The following PPIP5K2 variants were observed in gnomAD, a reference collection of about 807,000 sequenced individuals.
The protein encoded by PPIP5K2 is inositol hexakisphosphate and diphosphoinositol-pentakisphosphate kinase 2.
A neutral mutation model predicts 154.6 loss-of-function variants in PPIP5K2; 105 were observed. The ratio of observed to expected loss-of-function variants is 0.68; its 90% confidence interval spans 0.58 to 0.80. The LOEUF (loss-of-function observed/expected upper bound fraction) is 0.80, where lower values mean the gene tolerates loss of function less well. Among genes scored for constraint, PPIP5K2 ranks in the 30% least tolerant of loss-of-function variants. The pLI is 0.00. For missense variants in PPIP5K2, 992 were observed against 1,504.6 expected, an observed-to-expected ratio of 0.66 and a Z score of 5.64; for synonymous variants, 480 against 490.3, an observed-to-expected ratio of 0.98 and a Z score of 0.28.
rs1203071504 is a variant in PPIP5K2 at position 103,205,003 on chromosome 5, C to T, written c.*3369C>T. The T allele has an allele frequency of 6.6e-6, 1 of 152,074 alleles. No individual in the cohort carries two copies. The highest frequency in any genetic ancestry group is 1.5e-5 in the Non-Finnish European group (1 of 68,042). The allele number at this position is 152,074 out of a possible 1,614,324, so 9.4% of individuals were successfully genotyped here. ...TATTTCTCCTAATGCTATCCCTCCC[C>T]CAGCCCCCCACCCACTGACAGGCCC... is the stretch of plus-strand genomic sequence containing the variant. On this transcript the variant is annotated 3_prime_UTR_variant, in exon 31 of 31. Transcript: ENST00000358359.
rs1298114889 is a variant in PPIP5K2, at chr5:103,205,808, C to G, written c.*4174C>G. On this transcript the variant is annotated 3_prime_UTR_variant, in exon 31 of 31. Coordinates refer to ENST00000358359, the MANE Select transcript of PPIP5K2 (RefSeq NM_001276277.3). ...AAATGTCCTTTTTGTCCATTGGATA[C>G]TTTTTGTTCTATAAATTGTCAGATA... 1.3e-5 allele frequency: 2 copies of G among 151,986 alleles called. No individual in the cohort carries two copies. Among genetic ancestry groups the G allele is most frequent in the African/African-American group, 4.8e-5 (2 of 41,380 alleles). The allele number at this position is 151,986 out of a possible 1,614,324, so 9.4% of individuals were successfully genotyped here. A position where few individuals can be genotyped will look rare whatever the true frequency, so the allele number is the denominator to read the frequency against.
intron 29 of PPIP5K2, among the ~76,000 whole-genome samples, chr5:103,191,546 C>T (rs752566458): frequency 1.3e-4 from 20 of 152,208 alleles, no homozygotes; most frequent in Admixed American, 4.6e-4. Context: ...TATCCCACCT[C>T]CCTTTGGAGA....
intron 25 of PPIP5K2, 58 bp downstream of exon 25, chr5:103,183,465 G>A: frequency 6.9e-7 from 1 of 1,459,596 alleles, no homozygotes; most frequent in East Asian, 2.4e-5. Context: ...GCAACAAACA[G>A]CTGTCTTTGA....
chr5:103,149,409 A>G, intron 8 of PPIP5K2, 96 bp downstream of exon 8: 1 of 1,206,726 alleles, frequency 8.3e-7, no homozygotes, highest in East Asian at 2.4e-5. Flanking sequence ...TGGAGAAGTA[A>G]ACCGAGAAAG....
chr5:103,157,380 T>C (rs1299134290), intron 14 of PPIP5K2, among the ~76,000 whole-genome samples: 1 of 152,220 alleles, frequency 6.6e-6, no homozygotes, highest in East Asian at 1.9e-4. Context: ...TTTGTTTGCG[T>C]AAAATTTATT....
At chr5:103,128,450 A>G (rs1554201464) in intron 1 of PPIP5K2, among the ~76,000 whole-genome samples, 1 of 151,750 alleles carries the variant, frequency 6.6e-6, no homozygotes, top group East Asian at 1.9e-4. Flanking sequence ...TCTGTTATTC[A>G]AGCTGGAGTG....
At position 103,207,546 on chromosome 5, in the gene PPIP5K2, A is replaced by G. The variant is rs562573897; in HGVS notation, c.*5912A>G. On this transcript the variant is annotated 3_prime_UTR_variant, in exon 31 of 31. Transcript: ENST00000358359. ...TGTGCTAATGGTTTTTTCCTTCACT[A>G]TGATTTTGAATTATATTTAATTTTA... 2 of 152,130 alleles carry G rather than the reference A, an allele frequency of 1.3e-5. No individual in the cohort carries two copies. Among genetic ancestry groups the G allele is most frequent in the South Asian group, 2.1e-4 (1 of 4,828 alleles). 9.4% of individuals were successfully genotyped at this position (152,130 alleles called of 1,614,324 possible). A position where few individuals can be genotyped will look rare whatever the true frequency, so the allele number is the denominator to read the frequency against.
In PPIP5K2 at chr5:103,206,138, A is replaced by T. The variant is rs1803502464; in HGVS notation, c.*4504A>T. 3 of 152,184 alleles carry T rather than the reference A, an allele frequency of 2.0e-5. No individual in the cohort carries two copies. The South Asian group carries it at 6.2e-4, about 31-fold the overall frequency. 9.4% of individuals were successfully genotyped at this position (152,184 alleles called of 1,614,324 possible). A position where few individuals can be genotyped will look rare whatever the true frequency, so the allele number is the denominator to read the frequency against. On this transcript the variant is annotated 3_prime_UTR_variant, in exon 31 of 31. Transcript: ENST00000358359. ...TTGAAACTGGTTTAAATCATCAGAA[A>T]ATGTATTATTACACATTTCTGAAGG...
chr5:103,144,531 G>A (rs1190690788), intron 5 of PPIP5K2, among the ~76,000 whole-genome samples: 11 of 152,210 alleles, frequency 7.2e-5, no homozygotes, highest in African/African-American at 2.2e-4. Context: ...AAGTTGTACT[G>A]CTAAGCTATA....
rs1554232405 is a variant in PPIP5K2 at position 103,208,492 on chromosome 5, C to T, written c.*6858C>T. 6.6e-6 allele frequency: 1 copy of T among 152,214 alleles called. No individual in the cohort carries two copies. Among genetic ancestry groups the T allele is most frequent in the East Asian group, 1.9e-4 (1 of 5,190 alleles). 9.4% of individuals were successfully genotyped at this position (152,214 alleles called of 1,614,324 possible). ...GAGCTGTTGTAGCCTTTTACTCTCT[C>T]CAGTCAACAAAGATTGGCAACTACA... On this transcript the variant is annotated 3_prime_UTR_variant, in exon 31 of 31. Coordinates refer to ENST00000358359, the MANE Select transcript of PPIP5K2 (RefSeq NM_001276277.3).
chr5:103,143,585 T>C (rs532211584), intron 5 of PPIP5K2, among the ~76,000 whole-genome samples: 2 of 152,334 alleles, frequency 1.3e-5, no homozygotes, highest in East Asian at 3.9e-4. Context: ...AGTCTTTACC[T>C]ATCAGTAATA....
rs572811924 is a variant in PPIP5K2, at chr5:103,196,095, A to G, written c.3619+1070A>G. On this transcript the variant is annotated intron_variant, in intron 30 of 30. Transcript: ENST00000358359. Reference sequence around the variant, plus strand: ...TAAATGGTAACTGCTATTAATTATTATACTGTATCCAGTGTTCTCTTTACT... The same window carrying G: ...TAAATGGTAACTGCTATTAATTATTGTACTGTATCCAGTGTTCTCTTTACT... Among the ~76,000 whole-genome samples the G allele has an allele frequency of 1.8e-3, 276 of 152,316 alleles. 4 individuals are homozygous for G. Among genetic ancestry groups the G allele is most frequent in the African/African-American group, 6.3e-3 (260 of 41,592 alleles).
rs1794809785 is a variant in PPIP5K2, at chr5:103,152,683, A to G, written c.1064A>G (p.His355Arg). The stretch of plus-strand genomic sequence containing the variant: ...ATGCGAGAACTTGCTCCACAATTTC[A>G]TATTCCATGGTCAATACCCTTAGAA... The part of the protein sequence containing the change: ...IVMRELAPQF[H>R]IPWSIPLEAE... Residue 355 changes from histidine (H) to arginine (R), a missense_variant, in exon 10 of 31, where the codon CAT (histidine) becomes CGT (arginine). Around this residue, in one of 9 missense-constraint regions of PPIP5K2, gnomAD observed 163 missense variants for 285.2 expected, o/e 0.57. Transcript: ENST00000358359. 1.9e-6 allele frequency: 3 copies of G among 1,597,140 alleles called. No homozygotes were observed. The highest frequency in any genetic ancestry group is 2.6e-6 in the Non-Finnish European group (3 of 1,165,160).
At chr5:103,181,548 G>A (rs1554222907) in intron 24 of PPIP5K2, among the ~76,000 whole-genome samples, 1 of 151,676 alleles carries the variant, frequency 6.6e-6, no homozygotes, top group African/African-American at 2.4e-5. Context: ...CTGCAGCCTG[G>A]GCAACAGAGC....
intron 1 of PPIP5K2, among the ~76,000 whole-genome samples, 166 bp from the exon 2 acceptor site, chr5:103,129,140 T>C (rs1201608853): frequency 6.6e-6 from 1 of 152,182 alleles, no homozygotes; most frequent in African/African-American, 2.4e-5. Context: ...TTCTTAATTT[T>C]TTTGCTTTTA....
intron 19 of PPIP5K2, 34 bp downstream of exon 19, chr5:103,168,329 A>G: frequency 6.8e-7 from 1 of 1,474,066 alleles, no homozygotes. Flanking sequence ...TTCTTATAAT[A>G]TTGAAAAAAT....
intron 9 of PPIP5K2, among the ~76,000 whole-genome samples, chr5:103,152,320 C>T (rs1224873812): frequency 6.6e-6 from 1 of 151,896 alleles, no homozygotes; most frequent in Non-Finnish European, 1.5e-5. Flanking sequence ...TTATCAGTAG[C>T]CACACAGAAG....
Position 103,153,877 on chromosome 5 carries a change from T to TGA in PPIP5K2, c.1160_1161insGA (p.Ile387MetfsTer13). On this transcript the variant is annotated frameshift_variant, in exon 11 of 31. Coordinates refer to ENST00000358359, the MANE Select transcript of PPIP5K2 (RefSeq NM_001276277.3). LOFTEE classifies it high-confidence loss of function. Reference sequence around the variant, plus strand: ...GAACTTAGATGTGTCATAGCTGTTATACGTCATGGGGATCGAACACCAAAA... The same window carrying TGA: ...GAACTTAGATGTGTCATAGCTGTTATGAACGTCATGGGGATCGAACACCAAAA... 6.2e-7 allele frequency: 1 copy of TGA among 1,607,916 alleles called. No homozygotes were observed. The highest frequency in any genetic ancestry group is 8.5e-7 in the Non-Finnish European group (1 of 1,176,864).
chr5:103,172,488 TC>T (rs1798113642), intron 19 of PPIP5K2, among the ~76,000 whole-genome samples: 1 of 151,270 alleles, frequency 6.6e-6, no homozygotes, highest in African/African-American at 2.4e-5. Context: ...TCTCCCTCTT[TC>T]CCACTCTACC....
Sources: gnomAD v4.1 joint callset for allele counts (sites outside exome capture counted in the v4.1 genomes callset) on GRCh38, gnomAD v4.1.1 for gene constraint, gnomAD v4.1.1 regional missense constraint, MANE v1.5 for transcripts, NCBI Gene and HGNC (gene_info 2026-07-23, HGNC 2026-07-21) for gene names.